The following GPD2 variants were observed in gnomAD, a reference collection of about 807,000 sequenced individuals.
GPD2 encodes glycerol-3-phosphate dehydrogenase, mitochondrial.
A neutral mutation model predicts 82.4 loss-of-function variants in GPD2; 54 were observed. That is an observed-to-expected ratio of 0.66 (90% CI 0.53 to 0.82). The LOEUF is 0.82. Among genes scored for constraint, GPD2 ranks in the 40% least tolerant of loss-of-function variants. The pLI, the probability that GPD2 is intolerant of heterozygous loss-of-function variation, is 0.00. For synonymous variants in GPD2, 288 were observed against 306.1 expected (o/e 0.94, Z 0.62); for missense variants, 748 against 896.2 (o/e 0.83, Z 2.11).
chr2:156,466,833 T>A (rs1480595899), intron 1 of GPD2, among the ~76,000 whole-genome samples: 1 of 152,228 alleles, frequency 6.6e-6, no homozygotes, highest in Admixed American at 6.5e-5. Flanking sequence ...CTTTTGTACC[T>A]TTTACTTGCA....
chr2:156,510,098 C>T (rs541867250), intron 3 of GPD2, among the ~76,000 whole-genome samples: 59 of 152,094 alleles, frequency 3.9e-4, no homozygotes, highest in Non-Finnish European at 7.9e-4. Context: ...ATATTCTTTA[C>T]TCATGGTTAC....
the GPD2 span, among the ~76,000 whole-genome samples, chr2:156,417,899 A>G: frequency 2.6e-5 from 4 of 152,050 alleles, no homozygotes; most frequent in African/African-American, 9.7e-5. Flanking sequence ...AATAAAGAAT[A>G]ACAAGTAAAT....
intron 6 of GPD2, among the ~76,000 whole-genome samples, chr2:156,544,749 TA>T (rs1686463964): frequency 6.6e-6 from 1 of 152,132 alleles, no homozygotes; most frequent in Non-Finnish European, 1.5e-5. Context: ...CATCTCCTTT[TA>T]TAGGACACTG....
chr2:156,401,229 G>A, the GPD2 span, among the ~76,000 whole-genome samples: 46 of 152,268 alleles, frequency 3.0e-4, no homozygotes, highest in East Asian at 5.8e-4. Context: ...TATAGCAAAT[G>A]TGCTTTTCTA....
intron 3 of GPD2, among the ~76,000 whole-genome samples, chr2:156,505,484 A>T (rs1232949559): frequency 6.6e-6 from 1 of 152,204 alleles, no homozygotes; most frequent in South Asian, 2.1e-4. Flanking sequence ...TTTCATCTTA[A>T]TAGAGATACA....
chr2:156,532,270 G>T (rs77861418), intron 6 of GPD2, among the ~76,000 whole-genome samples: 1 of 152,200 alleles, frequency 6.6e-6, no homozygotes. Context: ...GCCTCCCAAA[G>T]TGCTGGGATT....
the GPD2 span, among the ~76,000 whole-genome samples, chr2:156,400,731 C>T: frequency 1.3e-5 from 2 of 152,218 alleles, no homozygotes; most frequent in South Asian, 4.1e-4. Context: ...AGCTAGCAGA[C>T]TGAATGAGTA....
chr2:156,405,500 A>G, the GPD2 span, among the ~76,000 whole-genome samples: 1 of 152,220 alleles, frequency 6.6e-6, no homozygotes, highest in Admixed American at 6.5e-5. Context: ...AGTTGGAGAA[A>G]CAGGACAGTG....
At chr2:156,447,937 G>A (rs1362286410) in intron 1 of GPD2, among the ~76,000 whole-genome samples, 1 of 152,098 alleles carries the variant, frequency 6.6e-6, no homozygotes, top group Admixed American at 6.5e-5. Flanking sequence ...CTTATTCGCT[G>A]AACTCAGGCA....
intron 6 of GPD2, among the ~76,000 whole-genome samples, chr2:156,545,130 A>G (rs2105327819): frequency 6.6e-6 from 1 of 152,312 alleles, no homozygotes. Context: ...ATGCCTACAC[A>G]CACTCATTCA....
intron 6 of GPD2, among the ~76,000 whole-genome samples, chr2:156,532,659 G>A (rs945046778): frequency 1.3e-5 from 2 of 152,140 alleles, no homozygotes; most frequent in African/African-American, 4.8e-5. Context: ...TCTATTGGTG[G>A]CAATAGGAGT....
chr2:156,580,127 ACTTTT>A (rs1398708411), intron 16 of GPD2, among the ~76,000 whole-genome samples: 2 of 152,158 alleles, frequency 1.3e-5, no homozygotes, highest in African/African-American at 2.4e-5. Flanking sequence ...TCTTTTGCTT[ACTTTT>A]CTTTTTCTTT....
chr2:156,459,857 A>C (rs1682931362), intron 1 of GPD2, among the ~76,000 whole-genome samples: 1 of 152,076 alleles, frequency 6.6e-6, no homozygotes, highest in African/African-American at 2.4e-5. Flanking sequence ...TAATCTCTGC[A>C]GAGCACTTGG....
rs558091292 is a variant in GPD2, at chr2:156,471,355, G to A, written c.-8-4743G>A. On this transcript the variant is annotated intron_variant, in intron 1 of 16. Transcript: ENST00000438166. Reference sequence around the variant, plus strand: ...AAGCTTCAACACTAAAAATCTACTTGAACAGTCTTTACAGAACGTTAGACA... The same window carrying A: ...AAGCTTCAACACTAAAAATCTACTTAAACAGTCTTTACAGAACGTTAGACA... 7.9e-5 allele frequency among the ~76,000 whole-genome samples: 12 copies of A among 152,224 alleles called. No individual in the cohort carries two copies. The East Asian group carries it at 2.3e-3, about 29-fold the overall frequency.
intron 6 of GPD2, among the ~76,000 whole-genome samples, chr2:156,544,980 C>T (rs1182719469): frequency 6.6e-6 from 1 of 152,210 alleles, no homozygotes; most frequent in African/African-American, 2.4e-5. Flanking sequence ...GCCTTGTTAT[C>T]ACAATTCACC....
chr2:156,457,121 A>T (rs1682814213), intron 1 of GPD2, among the ~76,000 whole-genome samples: 1 of 152,186 alleles, frequency 6.6e-6, no homozygotes, highest in Non-Finnish European at 1.5e-5. Flanking sequence ...ATTTTTTATT[A>T]GTATTTTTTC....
chr2:156,528,377 CAT>C (rs1315735123), intron 6 of GPD2, among the ~76,000 whole-genome samples: 1 of 151,542 alleles, frequency 6.6e-6, no homozygotes, highest in Non-Finnish European at 1.5e-5. Context: ...GAGAGATAAA[CAT>C]ATTTCTCCAC....
intron 6 of GPD2, among the ~76,000 whole-genome samples, chr2:156,514,302 G>A (rs1573949943): frequency 6.6e-6 from 1 of 151,886 alleles, no homozygotes; most frequent in African/African-American, 2.4e-5. Context: ...ATAGTCCAAG[G>A]GTGTCCATTT....
At chr2:156,577,574 A>C (rs2105375645) in intron 13 of GPD2, among the ~76,000 whole-genome samples, 1 of 152,278 alleles carries the variant, frequency 6.6e-6, no homozygotes, top group Middle Eastern at 3.4e-3. Flanking sequence ...CAGTTCATGC[A>C]AGTGTATGTG....
Sources: allele counts gnomAD v4.1 joint callset (sites outside exome capture counted in the v4.1 genomes callset), GRCh38; gene constraint gnomAD v4.1.1; transcripts MANE v1.5; gene names NCBI Gene and HGNC (gene_info 2026-07-23, HGNC 2026-07-21).